The following CNTN5 variants were observed in gnomAD, a reference collection of about 807,000 sequenced individuals.
CNTN5 encodes contactin 5.
A neutral mutation model predicts 129.1 loss-of-function variants in CNTN5; 77 were observed. The ratio of observed to expected loss-of-function variants is 0.60; its 90% CI spans 0.50 to 0.72. The LOEUF is 0.72. CNTN5 is among the 30% of genes least tolerant of loss of function. The pLI is 0.00. For missense variants in CNTN5, 1,478 were observed against 1,328.8 expected (o/e 1.11, Z -1.75); for synonymous variants, 509 against 465.6 (o/e 1.09, Z -1.20).
intron 3 of CNTN5, among the ~76,000 whole-genome samples, chr11:99,771,778 A>G (rs1415114489): frequency 2.6e-5 from 4 of 151,976 alleles, no homozygotes; most frequent in Non-Finnish European, 5.9e-5. Context: ...ATTTGCTAAG[A>G]TGGTAGATCT....
rs1327836798 is a variant in CNTN5, at chr11:99,703,228, T to G, written c.56-116316T>G. Among the ~76,000 whole-genome samples the G allele has an allele frequency of 4.6e-4, 33 of 71,240 alleles. No individual in the cohort carries two copies. The East Asian group carries it at 0.016, about 35-fold the overall frequency. 46.7% of individuals were successfully genotyped at this position (71,240 alleles called of 152,430 possible). ...AAATACATATCAAAGGTATTTGGGGTTTTTTTTTTTTTTTTTGCTTGTTTT... is the reference window on the plus strand; with the variant it reads ...AAATACATATCAAAGGTATTTGGGGGTTTTTTTTTTTTTTTTGCTTGTTTT... On this transcript the variant is annotated intron_variant, in intron 3 of 24. Transcript: ENST00000524871.
chr11:100,091,406 G>A (rs1248320971), intron 13 of CNTN5, among the ~76,000 whole-genome samples: 1 of 139,098 alleles, frequency 7.2e-6, no homozygotes, highest in African/African-American at 2.7e-5. Flanking sequence ...GTTCTTTTTG[G>A]TTTATTTTTT....
chr11:100,099,999 T>G (rs1326996522), intron 13 of CNTN5, among the ~76,000 whole-genome samples: 1 of 152,152 alleles, frequency 6.6e-6, no homozygotes, highest in African/African-American at 2.4e-5. Context: ...CTTTCTTCAC[T>G]AAAAACCCTT....
intron 3 of CNTN5, among the ~76,000 whole-genome samples, chr11:99,790,905 G>A (rs1444551861): frequency 6.6e-6 from 1 of 152,028 alleles, no homozygotes; most frequent in Non-Finnish European, 1.5e-5. Context: ...TTTCTCTAAT[G>A]ACTAGTAATA....
At chr11:99,673,294 G>A (rs996688112) in intron 3 of CNTN5, among the ~76,000 whole-genome samples, 8 of 152,118 alleles carry the variant, frequency 5.3e-5, no homozygotes, top group African/African-American at 1.9e-4. Flanking sequence ...TTGATAGGAA[G>A]CACAGACTTA....
intron 3 of CNTN5, among the ~76,000 whole-genome samples, chr11:99,654,394 A>G (rs1952271818): frequency 6.6e-6 from 1 of 152,034 alleles, no homozygotes; most frequent in Non-Finnish European, 1.5e-5. Flanking sequence ...TTAGAGGTTT[A>G]GCGTGGATGG....
chr11:99,053,861 T>G (rs1864525531), intron 1 of CNTN5, among the ~76,000 whole-genome samples: 1 of 151,966 alleles, frequency 6.6e-6, no homozygotes, highest in Non-Finnish European at 1.5e-5. Flanking sequence ...TTTAAGAAAG[T>G]AATTTTGGAT....
At chr11:99,789,911 A>G (rs912499173) in intron 3 of CNTN5, among the ~76,000 whole-genome samples, 4 of 151,536 alleles carry the variant, frequency 2.6e-5, no homozygotes, top group African/African-American at 4.8e-5. Context: ...TAGTTTTTCA[A>G]CTCTTTCTCT....
rs137915414 is a variant in CNTN5, at chr11:99,574,255, A to G, written c.55+17986A>G. 2.6e-3 allele frequency among the ~76,000 whole-genome samples: 401 copies of G among 152,324 alleles called. 3 individuals carry two copies. Among genetic ancestry groups the G allele is most frequent in the African/African-American group, 8.7e-3 (360 of 41,572 alleles). On this transcript the variant is annotated intron_variant, in intron 3 of 24. Transcript: ENST00000524871. Reference sequence around the variant, plus strand: ...CAAACTCATCCTTTTTTACAGCTGCATAGTATTCCATGGTGTATATTTGTG... The same window carrying G: ...CAAACTCATCCTTTTTTACAGCTGCGTAGTATTCCATGGTGTATATTTGTG...
At chr11:99,665,742 C>G (rs973169299) in intron 3 of CNTN5, among the ~76,000 whole-genome samples, 2 of 152,116 alleles carry the variant, frequency 1.3e-5, no homozygotes, top group Admixed American at 6.5e-5. Context: ...CTGCCTTGGT[C>G]TCCCAGAGTG....
intron 18 of CNTN5, among the ~76,000 whole-genome samples, chr11:100,288,546 T>G (rs1306168034): frequency 2.6e-5 from 4 of 152,076 alleles, no homozygotes; most frequent in African/African-American, 9.7e-5. Flanking sequence ...AATAAAGATG[T>G]TCTTTGAAAC....
At chr11:99,507,610 A>T (rs1451266482) in intron 2 of CNTN5, among the ~76,000 whole-genome samples, 1 of 152,188 alleles carries the variant, frequency 6.6e-6, no homozygotes, top group Non-Finnish European at 1.5e-5. Context: ...AAAGAAATGC[A>T]GTATAATATT....
intron 2 of CNTN5, among the ~76,000 whole-genome samples, chr11:99,356,646 T>C (rs1466679971): frequency 6.6e-6 from 1 of 152,220 alleles, no homozygotes; most frequent in East Asian, 1.9e-4. Flanking sequence ...TTACCTTTAA[T>C]AACAATTCCA....
chr11:99,447,520 A>G (rs1212608103), intron 2 of CNTN5, among the ~76,000 whole-genome samples: 10 of 152,340 alleles, frequency 6.6e-5, no homozygotes, highest in Middle Eastern at 6.8e-3. Context: ...AACTTAATGA[A>G]GTTATAAAAA....
At chr11:99,479,798 A>G (rs1945519500) in intron 2 of CNTN5, among the ~76,000 whole-genome samples, 1 of 151,936 alleles carries the variant, frequency 6.6e-6, no homozygotes, top group African/African-American at 2.4e-5. Context: ...ATATGTTTTG[A>G]GGTAAAGAAA....
chr11:100,257,721 C>T (rs186375411), intron 17 of CNTN5, among the ~76,000 whole-genome samples: 6 of 152,032 alleles, frequency 3.9e-5, no homozygotes, highest in Middle Eastern at 3.4e-3. Flanking sequence ...GGAAAACTAA[C>T]AAACAGAAAG....
At chr11:99,839,076 G>A (rs1175275193) in intron 4 of CNTN5, among the ~76,000 whole-genome samples, 1 of 151,900 alleles carries the variant, frequency 6.6e-6, no homozygotes, top group Non-Finnish European at 1.5e-5. Context: ...GATATAAAAG[G>A]CATGTTTACT....
chr11:99,692,175 G>A (rs1954067223), intron 3 of CNTN5, among the ~76,000 whole-genome samples: 4 of 152,082 alleles, frequency 2.6e-5, no homozygotes, highest in Admixed American at 1.3e-4. Context: ...GCATATGAAT[G>A]GTTCGTGGTT....
At chr11:100,028,349 C>T (rs1941534166) in intron 9 of CNTN5, among the ~76,000 whole-genome samples, 1 of 152,160 alleles carries the variant, frequency 6.6e-6, no homozygotes, top group Non-Finnish European at 1.5e-5. Context: ...ACCTCTATGA[C>T]ACCAAATAAA....
Sources: allele counts gnomAD v4.1 joint callset (sites outside exome capture counted in the v4.1 genomes callset), GRCh38; gene constraint gnomAD v4.1.1; transcripts MANE v1.5; gene names NCBI Gene and HGNC (gene_info 2026-07-23, HGNC 2026-07-21).